The following INTS3 variants were observed in gnomAD, a reference collection of about 807,000 sequenced individuals.
INTS3 encodes SOSS complex subunit A.
In INTS3, 34 loss-of-function variants were observed where a neutral mutation model predicts 146.3. The ratio of observed to expected loss-of-function variants is 0.23; its 90% CI spans 0.18 to 0.31. The LOEUF (loss-of-function observed/expected upper bound fraction) is 0.31, where lower values mean the gene tolerates loss of function less well. Among genes scored for constraint, INTS3 ranks in the 10% least tolerant of loss-of-function variants. The probability of loss-of-function intolerance (pLI) is 1.00; values close to 1 mark genes in which losing one functional copy is unlikely to be tolerated. For synonymous variants in INTS3, 475 were observed against 494.9 expected, an observed-to-expected ratio of 0.96 and a Z score of 0.53; for missense variants, 757 against 1,304.2, an observed-to-expected ratio of 0.58 and a Z score of 6.46.
At chr1:153,752,543 A>G in intron 8 of INTS3, 135 bp downstream of exon 8, 1 of 836,462 alleles carries the variant, frequency 1.2e-6, no homozygotes, top group South Asian at 1.8e-5. Flanking sequence ...GGACAGGGCA[A>G]GCTTTGCCAA....
At chr1:153,773,107 G>A in intron 29 of INTS3, 26 bp downstream of exon 29, 1 of 1,614,076 alleles carries the variant, frequency 6.2e-7, no homozygotes, top group Non-Finnish European at 8.5e-7. Context: ...GTGCACAGGG[G>A]GAAAAGGAGC....
At chr1:153,768,021 T>C (rs539092675) in intron 21 of INTS3, among the ~76,000 whole-genome samples, 194 bp downstream of exon 21, 52 of 152,336 alleles carry the variant, frequency 3.4e-4, no homozygotes, top group African/African-American at 1.2e-3. Context: ...TAAAACTCCC[T>C]GAATTCCTAT....
chr1:153,741,164 A>T, intron 2 of INTS3, 121 bp from the exon 3 acceptor site: 1 of 763,452 alleles, frequency 1.3e-6, no homozygotes, highest in Non-Finnish European at 2.3e-6. Context: ...CATCAGATTT[A>T]AAAGTTGATT....
Position 153,769,808 on chromosome 1 carries a change from G to A in INTS3, c.2353G>A (p.Val785Ile), listed in dbSNP as rs1233350664. ...CTGCCACGTGATGATGGGTAACCTG[G>A]TTATGTTTCGAAAAGACTCAGTTCT... is the stretch of plus-strand genomic sequence containing the variant. Reference protein sequence around the residue: ...LVCHVMMGNLVMFRKDSVLNI... With the variant: ...LVCHVMMGNLIMFRKDSVLNI... Residue 785 changes from valine (V) to isoleucine (I), a missense_variant, in exon 23 of 30, where the codon GTT (valine) becomes ATT (isoleucine). Val to Ile is a conservative substitution (Grantham distance 29). Around this residue, in one of 8 missense-constraint regions of INTS3, gnomAD observed 116 missense variants for 226.5 expected, o/e 0.51. Coordinates refer to ENST00000318967, the MANE Select transcript of INTS3 (RefSeq NM_023015.5). The A allele has an allele frequency of 6.2e-7, 1 of 1,613,716 alleles. No individual in the cohort carries two copies. The highest frequency in any genetic ancestry group is 1.1e-5 in the South Asian group (1 of 91,062).
At chr1:153,761,073 C>CTCTA (rs1226807004) in intron 13 of INTS3, 155 bp downstream of exon 13, 2 of 1,446,444 alleles carry the variant, frequency 1.4e-6, no homozygotes, top group Non-Finnish European at 1.8e-6. Context: ...CTTCTTGGCT[C>CTCTA]TTAGAGGAAT....
intron 3 of INTS3, among the ~76,000 whole-genome samples, chr1:153,744,038 CGTGTGTGTGTGTGTGTGTGTGTGTGTGT>C (rs200825280): frequency 1.4e-5 from 2 of 142,244 alleles, no homozygotes; most frequent in African/African-American, 5.3e-5. Context: ...TGTGCATGTG[CGTGTGTGTGTGTGTGTGTGTGTGTGTGT>C]GTGTGTGTGT....
chr1:153,752,194 G>T, intron 7 of INTS3, 85 bp from the exon 8 acceptor site: 2 of 1,328,714 alleles, frequency 1.5e-6, no homozygotes, highest in Non-Finnish European at 1.1e-6. Context: ...CCTAGAACAT[G>T]TTGTTCCTTT....
chr1:153,765,118 T>G, intron 20 of INTS3, 55 bp downstream of exon 20: 6 of 1,598,462 alleles, frequency 3.8e-6, no homozygotes, highest in Non-Finnish European at 5.1e-6. Flanking sequence ...GGAGAGCCTC[T>G]CTTCCACACG....
At chr1:153,767,227 A>G (rs1672621943) in intron 20 of INTS3, 1 of 156,916 alleles carries the variant, frequency 6.4e-6, no homozygotes, top group Non-Finnish European at 1.4e-5. Flanking sequence ...TGTTGTCATG[A>G]AGATTTACTC....
intron 25 of INTS3, among the ~76,000 whole-genome samples, chr1:153,771,044 C>T (rs775700891): frequency 5.3e-5 from 8 of 152,186 alleles, no homozygotes; most frequent in Non-Finnish European, 8.8e-5. Flanking sequence ...CGCGCCCCCC[C>T]CACCGCCCCA....
Position 153,763,816 on chromosome 1 carries a change from C to T in INTS3, c.1767-16C>T, listed in dbSNP as rs1459944934. The T allele has an allele frequency of 1.9e-6, 3 of 1,612,352 alleles. No individual in the cohort carries two copies. The highest frequency in any genetic ancestry group is 1.1e-5 in the South Asian group (1 of 90,734). ...CATTTATGTCCCTGGGATTTCCTCT[C>T]ATTTCTGTCCTGCAGTGATACGGAG... On this transcript the variant is annotated splice_polypyrimidine_tract_variant and intron_variant, in intron 16 of 29. Transcript: ENST00000318967.
chr1:153,757,608 T>A lies in INTS3; in HGVS notation c.994T>A (p.Phe332Ile). Residue 332 changes from phenylalanine (F) to isoleucine (I), a missense_variant, in exon 10 of 30, where the codon TTC becomes ATC. Transcript: ENST00000318967. This position sits in a 1 kb window ranked among gnomAD's most constrained non-coding sequence, Gnocchi z 4.0. Reference sequence around the variant, plus strand: ...TCAACAAAAGCGATACCAAGATTGGTTCCAGCGCCAGTACCTGTCAACTCC... The same window carrying A: ...TCAACAAAAGCGATACCAAGATTGGATCCAGCGCCAGTACCTGTCAACTCC... ...FGQQKRYQDW[F>I]QRQYLSTPDS... is the part of the protein sequence containing the mutation. The A allele has an allele frequency of 6.2e-7, 1 of 1,614,156 alleles. No homozygotes were observed. Among genetic ancestry groups the A allele is most frequent in the Middle Eastern group, 1.6e-4 (1 of 6,062 alleles).
chr1:153,744,704 C>T (rs1234552506), intron 3 of INTS3, among the ~76,000 whole-genome samples: 1 of 152,160 alleles, frequency 6.6e-6, no homozygotes, highest in Non-Finnish European at 1.5e-5. Flanking sequence ...GCAGATGGTA[C>T]TGAGGGGTAC....
chr1:153,739,428 T>C (rs986199224), intron 1 of INTS3, among the ~76,000 whole-genome samples: 4 of 151,330 alleles, frequency 2.6e-5, no homozygotes, highest in Non-Finnish European at 4.4e-5. Context: ...CCTCGACCTC[T>C]GCCTCCTGGG....
Position 153,774,477 on chromosome 1 carries a change from C to G in INTS3, c.*1207C>G, listed in dbSNP as rs1039063472. On this transcript the variant is annotated 3_prime_UTR_variant, in exon 30 of 30. Coordinates refer to ENST00000318967, the MANE Select transcript of INTS3 (RefSeq NM_023015.5). ...GGACAACTGTACCTGGAGATAAAGT[C>G]TGGATACCAGGGAGGGACAGAGATG... The G allele has an allele frequency of 1.3e-5, 2 of 152,270 alleles. No individual in the cohort carries two copies. The highest frequency in any genetic ancestry group is 2.9e-5 in the Non-Finnish European group (2 of 68,110). The allele number at this position is 152,270 out of a possible 1,614,324, so 9.4% of individuals were successfully genotyped here.
rs1491428244 is a variant in INTS3 at position 153,731,577 on chromosome 1, C to CTTTTTTTTTTTTTT, written c.150+2794_150+2795insTTTTTTTTTTTTTT. Among the ~76,000 whole-genome samples the CTTTTTTTTTTTTTT allele has an allele frequency of 2.3e-5, 3 of 129,230 alleles. 1 individual carries two copies. Among genetic ancestry groups the CTTTTTTTTTTTTTT allele is most frequent in the Non-Finnish European group, 1.6e-5 (1 of 61,472 alleles). 84.8% of individuals were successfully genotyped at this position (129,230 alleles called of 152,430 possible). ...TGAAAGTGGGAGGCCCAAGAGCGTC[C>CTTTTTTTTTTTTTT]TCTTTTTTTTTTTTTTTTTTTTTGA... On this transcript the variant is annotated intron_variant, in intron 1 of 29. Transcript: ENST00000318967.
At position 153,772,830 on chromosome 1, in the gene INTS3, A is replaced by G; in HGVS notation, c.2895-95A>G. 1 of 1,587,514 alleles carries G rather than the reference A, an allele frequency of 6.3e-7. No homozygotes were observed. Among genetic ancestry groups the G allele is most frequent in the Non-Finnish European group, 8.6e-7 (1 of 1,164,302 alleles). On this transcript the variant is annotated intron_variant, in intron 28 of 29. Coordinates refer to ENST00000318967, the MANE Select transcript of INTS3 (RefSeq NM_023015.5). This position sits in a 1 kb window ranked among gnomAD's most constrained non-coding sequence, Gnocchi z 4.6. ...AGACCTTAGGGTCCAGGGTTGAAGAAAAAGAAGGCCTAGGCCTGGGGGCAG... is the reference window on the plus strand; with the variant it reads ...AGACCTTAGGGTCCAGGGTTGAAGAGAAAGAAGGCCTAGGCCTGGGGGCAG...
intron 1 of INTS3, among the ~76,000 whole-genome samples, chr1:153,738,978 C>G (rs1217670021): frequency 6.6e-6 from 1 of 151,302 alleles, no homozygotes; most frequent in Non-Finnish European, 1.5e-5. Flanking sequence ...ACTGCAAACT[C>G]TGCCTCCCAG....
At chr1:153,758,974 C>T (rs1053886554) in intron 10 of INTS3, among the ~76,000 whole-genome samples, 1 of 151,876 alleles carries the variant, frequency 6.6e-6, no homozygotes, top group African/African-American at 2.4e-5. Flanking sequence ...CATAAAGCCA[C>T]GCATGGTGGT....
Sources: allele counts gnomAD v4.1 joint callset (sites outside exome capture counted in the v4.1 genomes callset), GRCh38; gene constraint gnomAD v4.1.1; regional missense constraint gnomAD v4.1.1; non-coding constraint Gnocchi (gnomAD v3.1); transcripts MANE v1.5; gene names NCBI Gene and HGNC (gene_info 2026-07-23, HGNC 2026-07-21).